Variants in HSDL2 observed in about 807,000 individuals in gnomAD.
HSDL2 encodes the protein hydroxysteroid dehydrogenase like 2.
In HSDL2, 27 loss-of-function variants were observed where a neutral mutation model predicts 46.3. That is an observed-to-expected ratio of 0.58 (90% CI 0.43 to 0.80). The LOEUF (loss-of-function observed/expected upper bound fraction) is 0.80. Ranked by LOEUF, HSDL2 falls within the 30% of genes least tolerant of loss-of-function variation. The pLI, the probability that HSDL2 is intolerant of heterozygous loss-of-function variation, is 0.00. For missense variants in HSDL2, 451 were observed against 502.7 expected, an observed-to-expected ratio of 0.90 and a Z score of 0.98; for synonymous variants, 153 against 163.6, an observed-to-expected ratio of 0.94 and a Z score of 0.50.
At chr9:112,428,481 A>G (rs992674474) in intron 6 of HSDL2, among the ~76,000 whole-genome samples, 1 of 152,236 alleles carries the variant, frequency 6.6e-6, no homozygotes, top group African/African-American at 2.4e-5. Flanking sequence ...CTCAAACTAT[A>G]TGTCAAGACT....
intron 1 of HSDL2, among the ~76,000 whole-genome samples, chr9:112,391,671 G>A (rs991334032): frequency 5.3e-5 from 8 of 151,842 alleles, no homozygotes; most frequent in South Asian, 2.1e-4. Context: ...TTTGGGAGGC[G>A]GAGGCAGGTG....
chr9:112,400,468 G>A (rs555146382), intron 1 of HSDL2, among the ~76,000 whole-genome samples: 36 of 152,316 alleles, frequency 2.4e-4, no homozygotes, highest in African/African-American at 7.5e-4. Flanking sequence ...TTGGCTGGGC[G>A]TGGTGGCGCA....
chr9:112,463,139 A>G (rs1251080845), intron 10 of HSDL2, among the ~76,000 whole-genome samples: 1 of 152,060 alleles, frequency 6.6e-6, no homozygotes, highest in East Asian at 1.9e-4. Flanking sequence ...TTTGGCTATT[A>G]TGGATATTGC....
At chr9:112,386,238 C>A (rs1831214599) in intron 1 of HSDL2, among the ~76,000 whole-genome samples, 1 of 152,054 alleles carries the variant, frequency 6.6e-6, no homozygotes, top group South Asian at 2.1e-4. Flanking sequence ...TTACCAATAT[C>A]TTTGATTTTC....
At position 112,380,113 on chromosome 9, in the gene HSDL2, T is replaced by A; in HGVS notation, c.-51T>A. On this transcript the variant is annotated 5_prime_UTR_variant, in exon 1 of 11. Coordinates refer to ENST00000398805, the MANE Select transcript of HSDL2 (RefSeq NM_032303.5). ...CGGAGGGACGGTCCAGCTTTAGCTC[T>A]CTGCTCGCCGCCGCCGCTGTCGCCG... 1.3e-6 allele frequency: 2 copies of A among 1,514,674 alleles called. No individual in the cohort carries two copies. Among genetic ancestry groups the A allele is most frequent in the Non-Finnish European group, 1.8e-6 (2 of 1,113,788 alleles). The allele number at this position is 1,514,674 out of a possible 1,614,324, so 93.8% of individuals were successfully genotyped here. A position where few individuals can be genotyped will look rare whatever the true frequency, so the allele number is the denominator to read the frequency against.
chr9:112,449,365 G>T (rs1832827263), intron 8 of HSDL2, among the ~76,000 whole-genome samples: 1 of 152,030 alleles, frequency 6.6e-6, no homozygotes, highest in Non-Finnish European at 1.5e-5. Context: ...AGGATTACCA[G>T]CATGAGCCAC....
intron 10 of HSDL2, among the ~76,000 whole-genome samples, chr9:112,466,963 T>G (rs914137433): frequency 6.6e-6 from 1 of 152,210 alleles, no homozygotes; most frequent in Non-Finnish European, 1.5e-5. Flanking sequence ...GGCACCCTTG[T>G]TGAAGATCAG....
chr9:112,465,396 T>G (rs1833345877), intron 10 of HSDL2, among the ~76,000 whole-genome samples: 1 of 152,226 alleles, frequency 6.6e-6, no homozygotes, highest in Non-Finnish European at 1.5e-5. Flanking sequence ...GCCAAAGTGC[T>G]GGGATTACAG....
At chr9:112,442,391 G>C (rs529273532) in intron 8 of HSDL2, among the ~76,000 whole-genome samples, 1 of 151,546 alleles carries the variant, frequency 6.6e-6, no homozygotes, top group African/African-American at 2.4e-5. Context: ...CTGTCTTTAG[G>C]TATTTCATGT....
At chr9:112,383,257 G>T (rs1465155584) in intron 1 of HSDL2, among the ~76,000 whole-genome samples, 1 of 152,008 alleles carries the variant, frequency 6.6e-6, no homozygotes, top group African/African-American at 2.4e-5. Flanking sequence ...AATTTTAGTA[G>T]AGATGGAGTT....
At chr9:112,385,895 G>A (rs903430373) in intron 1 of HSDL2, among the ~76,000 whole-genome samples, 15 of 151,694 alleles carry the variant, frequency 9.9e-5, no homozygotes, top group African/African-American at 3.6e-4. Context: ...CAAAGAGCTG[G>A]GATTACAGGT....
chr9:112,419,249 C>T (rs1832066084), intron 6 of HSDL2, among the ~76,000 whole-genome samples: 1 of 152,112 alleles, frequency 6.6e-6, no homozygotes, highest in Non-Finnish European at 1.5e-5. Context: ...AGTGATCCTC[C>T]CACCTTGGCC....
At chr9:112,408,069 A>G (rs1831770360) in intron 3 of HSDL2, among the ~76,000 whole-genome samples, 1 of 152,160 alleles carries the variant, frequency 6.6e-6, no homozygotes, top group Non-Finnish European at 1.5e-5. Context: ...AAATTGATCC[A>G]CTTTGATGAT....
intron 1 of HSDL2, among the ~76,000 whole-genome samples, chr9:112,380,468 TC>T (rs1358991577): frequency 6.6e-6 from 1 of 152,046 alleles, no homozygotes; most frequent in African/African-American, 2.4e-5. Flanking sequence ...GTGCCGGCCC[TC>T]CCTGAGTTTA....
chr9:112,462,731 C>CT (rs1314458869), intron 10 of HSDL2, among the ~76,000 whole-genome samples: 7 of 151,648 alleles, frequency 4.6e-5, no homozygotes, highest in Non-Finnish European at 1.0e-4. Flanking sequence ...ATTTACCATC[C>CT]TAAGTATAAA....
At chr9:112,397,559 C>T (rs1364023708) in intron 1 of HSDL2, among the ~76,000 whole-genome samples, 1 of 152,098 alleles carries the variant, frequency 6.6e-6, no homozygotes, top group East Asian at 1.9e-4. Flanking sequence ...TCATACACAC[C>T]TTTGTTACTT....
chr9:112,468,529 C>T (rs1833462381), intron 10 of HSDL2, among the ~76,000 whole-genome samples: 1 of 152,078 alleles, frequency 6.6e-6, no homozygotes. Flanking sequence ...CCTCCTCAAT[C>T]CAACCCATCC....
intron 1 of HSDL2, among the ~76,000 whole-genome samples, chr9:112,394,965 T>A (rs575083131): frequency 6.6e-6 from 1 of 152,212 alleles, no homozygotes; most frequent in Admixed American, 6.5e-5. Flanking sequence ...ATAAGAATAA[T>A]TTTATGTAGC....
intron 1 of HSDL2, among the ~76,000 whole-genome samples, chr9:112,398,518 T>G (rs543434316): frequency 6.6e-6 from 1 of 151,928 alleles, no homozygotes; most frequent in Non-Finnish European, 1.5e-5. Context: ...AGTTAGATAT[T>G]GAGTCCTCAA....
Sources: allele counts gnomAD v4.1 joint callset (sites outside exome capture counted in the v4.1 genomes callset), GRCh38; gene constraint gnomAD v4.1.1; transcripts MANE v1.5; gene names NCBI Gene and HGNC (gene_info 2026-07-23, HGNC 2026-07-21).